The following TRIO variants were observed in gnomAD, a reference collection of about 807,000 sequenced individuals.
TRIO encodes trio Rho guanine nucleotide exchange factor, also known as triple functional domain protein.
Under a neutral mutation model 351.9 loss-of-function variants are expected in TRIO, and 58 were observed. That is an observed-to-expected ratio of 0.16 (90% CI 0.13 to 0.21). TRIO has a LOEUF of 0.21. TRIO is among the 10% of genes least tolerant of loss of function. The pLI is 1.00. For synonymous variants in TRIO, 1,758 were observed against 1,595.7 expected, an observed-to-expected ratio of 1.10 and a Z score of -2.42; for missense variants, 3,201 against 4,027.8, an observed-to-expected ratio of 0.79 and a Z score of 5.56.
At chr5:14,400,880 C>T in intron 30 of TRIO, 83 bp from the exon 31 acceptor site, 1 of 1,346,910 alleles carries the variant, frequency 7.4e-7, no homozygotes, top group Non-Finnish European at 1.0e-6. Context: ...CCACAAGTAA[C>T]CAAAACCTGT....
intron 1 of TRIO, among the ~76,000 whole-genome samples, chr5:14,217,227 A>T (rs1792281075): frequency 6.6e-6 from 1 of 152,164 alleles, no homozygotes; most frequent in African/African-American, 2.4e-5. Flanking sequence ...CCTGAGAGCC[A>T]CTGTACAGAA....
intron 11 of TRIO, among the ~76,000 whole-genome samples, chr5:14,348,994 C>T (rs375858179): frequency 2.1e-5 from 3 of 145,970 alleles, no homozygotes; most frequent in East Asian, 2.1e-4. Flanking sequence ...TGTGTGCGCA[C>T]GCACATGAGC....
Position 14,419,773 on chromosome 5 carries a change from C to T in TRIO, c.4960-5C>T, listed in dbSNP as rs767724243. 1 of 1,614,092 alleles carries T rather than the reference C, an allele frequency of 6.2e-7. No homozygotes were observed. Among genetic ancestry groups the T allele is most frequent in the Non-Finnish European group, 8.5e-7 (1 of 1,179,976 alleles). On this transcript the variant is annotated splice_region_variant and splice_polypyrimidine_tract_variant and intron_variant, in intron 33 of 56. Coordinates refer to ENST00000344204, the MANE Select transcript of TRIO (RefSeq NM_007118.4). ...ACCTGTCCTCTCTTCCTCTGTTCCC[C>T]CCAGCTCTCTGGTGGCTGTGAGCTG...
At chr5:14,334,905 A>C (rs945127539) in intron 10 of TRIO, among the ~76,000 whole-genome samples, 1 of 152,066 alleles carries the variant, frequency 6.6e-6, no homozygotes, top group Non-Finnish European at 1.5e-5. Context: ...AGGAGTGCCC[A>C]CTCTTGTGCC....
intron 1 of TRIO, among the ~76,000 whole-genome samples, chr5:14,148,898 G>A (rs1787667240): frequency 6.6e-6 from 1 of 152,192 alleles, no homozygotes; most frequent in African/African-American, 2.4e-5. Flanking sequence ...CTGGAGCAAG[G>A]GGTAAGCGGG....
chr5:14,441,238 C>T (rs1394683157), intron 34 of TRIO: 1 of 152,880 alleles, frequency 6.5e-6, no homozygotes, highest in African/African-American at 2.4e-5. Context: ...CTCCAGTCGG[C>T]TCCAGTCACC....
intron 1 of TRIO, among the ~76,000 whole-genome samples, chr5:14,249,980 T>C (rs1233085730): frequency 6.6e-6 from 1 of 152,236 alleles, no homozygotes; most frequent in Admixed American, 6.5e-5. Flanking sequence ...TGTTAAACAG[T>C]GTGCTCGAAA....
chr5:14,349,258 T>C (rs1446179999), intron 11 of TRIO, among the ~76,000 whole-genome samples: 2 of 148,604 alleles, frequency 1.3e-5, no homozygotes. Context: ...CACGTGAGCA[T>C]GTGTTTTTCC....
Position 14,461,201 on chromosome 5 carries a change from C to A in TRIO, c.5386C>A (p.Leu1796Met), listed in dbSNP as rs766716332. The change falls in exon 35 of 57, where the codon CTG becomes ATG. Residue 1796 changes from leucine (L) to methionine (M), a missense_variant. By Grantham distance (15) the Leu-to-Met change is conservative. Coordinates refer to ENST00000344204, the MANE Select transcript of TRIO (RefSeq NM_007118.4). ...SGKADGHVKKLAHKHKKSREV... is the reference protein window; with the variant it reads ...SGKADGHVKKMAHKHKKSREV... ...CAAGGCCGACGGGCACGTGAAGAAG[C>A]TGGCGCACAAGCACAAGAAGAGCCG... is the stretch of plus-strand genomic sequence containing the variant. The A allele has an allele frequency of 1.3e-5, 20 of 1,566,806 alleles. No individual in the cohort carries two copies. The highest frequency in any genetic ancestry group is 2.7e-5 in the African/African-American group (2 of 74,032).
intron 1 of TRIO, among the ~76,000 whole-genome samples, chr5:14,233,717 T>C (rs934672263): frequency 6.6e-6 from 1 of 152,290 alleles, no homozygotes; most frequent in African/African-American, 2.4e-5. Context: ...AAAAATATTT[T>C]TTTGTAGATA....
At chr5:14,272,203 T>C (rs1460715468) in intron 2 of TRIO, among the ~76,000 whole-genome samples, 1 of 152,234 alleles carries the variant, frequency 6.6e-6, no homozygotes, top group South Asian at 2.1e-4. Context: ...ATTGAAAGAC[T>C]CTACTTATAA....
intron 1 of TRIO, among the ~76,000 whole-genome samples, chr5:14,149,479 A>G (rs1787700507): frequency 6.6e-6 from 1 of 152,078 alleles, no homozygotes; most frequent in African/African-American, 2.4e-5. Flanking sequence ...CTCTCCACAT[A>G]AGGAAGCCCC....
intron 7 of TRIO, among the ~76,000 whole-genome samples, chr5:14,299,748 C>T (rs578076384): frequency 6.6e-6 from 1 of 152,174 alleles, no homozygotes; most frequent in Non-Finnish European, 1.5e-5. Flanking sequence ...ATCATAGTCA[C>T]CTCTTTGAAT....
At chr5:14,449,272 G>A (rs984732995) in intron 34 of TRIO, among the ~76,000 whole-genome samples, 2 of 152,330 alleles carry the variant, frequency 1.3e-5, no homozygotes, top group African/African-American at 2.4e-5. Context: ...ACGGCCGGTG[G>A]GATGAAAGAC....
intron 1 of TRIO, among the ~76,000 whole-genome samples, chr5:14,182,525 A>C (rs1006957711): frequency 2.6e-5 from 4 of 152,232 alleles, no homozygotes; most frequent in African/African-American, 9.6e-5. Context: ...GGTAATACAT[A>C]CATGATTCAA....
intron 1 of TRIO, among the ~76,000 whole-genome samples, chr5:14,152,443 T>G (rs1315968157): frequency 6.6e-6 from 1 of 152,248 alleles, no homozygotes; most frequent in Non-Finnish European, 1.5e-5. Flanking sequence ...CAATCTTGGC[T>G]CACTGCAACC....
Position 14,496,932 on chromosome 5 carries a change from A to G in TRIO, c.7934A>G (p.Lys2645Arg). ...ALRLRKKSEKKDKDGKREGKL... is the reference protein window; with the variant it reads ...ALRLRKKSEKRDKDGKREGKL... ...CGTTTAAGGAAAAAATCTGAGAAAA[A>G]AGATAAAGACGGCAAAAGGGAAGGC... The change falls in exon 50 of 57, where the codon AAA (lysine) becomes AGA (arginine). Residue 2645 changes from lysine (K) to arginine (R), a missense_variant. By Grantham distance (26) the Lys-to-Arg change is conservative. Around this residue, in one of 19 missense-constraint regions of TRIO, gnomAD observed 1,089 missense variants for 954.9 expected, o/e 1.14. Transcript: ENST00000344204. 1 of 1,614,232 alleles carries G rather than the reference A, an allele frequency of 6.2e-7. No homozygotes were observed. The highest frequency in any genetic ancestry group is 8.5e-7 in the Non-Finnish European group (1 of 1,180,038).
chr5:14,451,480 T>G (rs111747797), intron 34 of TRIO, among the ~76,000 whole-genome samples: 29 of 152,370 alleles, frequency 1.9e-4, no homozygotes, highest in African/African-American at 6.7e-4. Flanking sequence ...TGATTATTCT[T>G]TTTAAGTAAT....
intron 1 of TRIO, among the ~76,000 whole-genome samples, chr5:14,246,372 A>G (rs1047042746): frequency 2.6e-5 from 4 of 152,224 alleles, no homozygotes; most frequent in Non-Finnish European, 5.9e-5. Context: ...ATTTTAAAAT[A>G]CCAAGTCCAT....
Sources: gnomAD v4.1 joint callset for allele counts (sites outside exome capture counted in the v4.1 genomes callset) on GRCh38, gnomAD v4.1.1 for gene constraint, gnomAD v4.1.1 regional missense constraint, MANE v1.5 for transcripts, NCBI Gene and HGNC (gene_info 2026-07-23, HGNC 2026-07-21) for gene names.